HERPUD2: variants seen among roughly 807,000 people sequenced by gnomAD.
HERPUD2 encodes the protein homocysteine-responsive endoplasmic reticulum-resident ubiquitin-like domain member 2 protein.
Under a neutral mutation model 49.9 loss-of-function variants are expected in HERPUD2, and 13 were observed. The observed-to-expected ratio is 0.26, with a 90% confidence interval of 0.17 to 0.41. The LOEUF (loss-of-function observed/expected upper bound fraction) is 0.41. HERPUD2 is among the 10% of genes least tolerant of loss of function. The pLI is 1.00. For missense variants in HERPUD2, 449 were observed against 492.2 expected (o/e 0.91, Z 0.83); for synonymous variants, 172 against 171.4 (o/e 1.00, Z -0.03).
Position 35,633,522 on chromosome 7 carries a change from G to A in HERPUD2, c.*168C>T. Reference sequence around the variant, plus strand: ...AAAAAAAAAAAAACTCAGATATTTAGTAGTCCATTCGTGCTTAAAATATTC... The same window carrying A: ...AAAAAAAAAAAAACTCAGATATTTAATAGTCCATTCGTGCTTAAAATATTC... On this transcript the variant is annotated 3_prime_UTR_variant, in exon 9 of 9. Transcript: ENST00000311350. 9.8e-6 allele frequency: 4 copies of A among 410,124 alleles called. No individual in the cohort carries two copies. Among genetic ancestry groups the A allele is most frequent in the South Asian group, 4.7e-5 (1 of 21,484 alleles). 25.4% of individuals were successfully genotyped at this position (410,124 alleles called of 1,614,324 possible).
chr7:35,670,435 A>C (rs993853336), intron 3 of HERPUD2, 107 bp from the exon 4 acceptor site: 6 of 427,526 alleles, frequency 1.4e-5, no homozygotes, highest in African/African-American at 1.0e-4. Flanking sequence ...TTTCGAGCCT[A>C]GCCATTTAAT....
intron 5 of HERPUD2, among the ~76,000 whole-genome samples, chr7:35,648,310 G>A (rs1367153294): frequency 6.6e-6 from 1 of 152,122 alleles, no homozygotes; most frequent in Non-Finnish European, 1.5e-5. Flanking sequence ...AAATATTTAT[G>A]GTAAAAGATC....
At position 35,682,349 on chromosome 7, in the gene HERPUD2, GTGTGTGTGTA is replaced by G. The variant is rs1312460895; in HGVS notation, c.148-9081_148-9072del. On this transcript the variant is annotated intron_variant, in intron 2 of 8. Coordinates refer to ENST00000311350, the MANE Select transcript of HERPUD2 (RefSeq NM_022373.5). Reference sequence around the variant, plus strand: ...CACGTGTGTGTGTGTGTGTGTGTGTGTGTGTGTGTATATATATATATATATATATATATAT... The same window carrying G: ...CACGTGTGTGTGTGTGTGTGTGTGTGTATATATATATATATATATATATAT... 1.4e-3 allele frequency among the ~76,000 whole-genome samples: 58 copies of G among 41,802 alleles called. 9 individuals carry two copies. The highest frequency in any genetic ancestry group is 2.3e-3 in the Non-Finnish European group (49 of 21,140). 27.4% of individuals were successfully genotyped at this position (41,802 alleles called of 152,430 possible).
At chr7:35,656,833 C>A (rs111335118) in intron 5 of HERPUD2, among the ~76,000 whole-genome samples, 272 of 152,150 alleles carry the variant, frequency 1.8e-3, no homozygotes, top group Middle Eastern at 6.8e-3. Flanking sequence ...AAAACTGAAC[C>A]CCTTTCTCTC....
chr7:35,637,725 C>T (rs547565607), intron 6 of HERPUD2, among the ~76,000 whole-genome samples: 15 of 152,028 alleles, frequency 9.9e-5, no homozygotes, highest in African/African-American at 3.6e-4. Context: ...GTAACAAATA[C>T]GTGATGAACT....
intron 5 of HERPUD2, among the ~76,000 whole-genome samples, chr7:35,659,623 G>A (rs1785365460): frequency 6.6e-6 from 1 of 152,148 alleles, no homozygotes; most frequent in African/African-American, 2.4e-5. Context: ...GAAGAGACTT[G>A]CCCAAACTAG....
intron 5 of HERPUD2, among the ~76,000 whole-genome samples, chr7:35,648,043 A>T (rs1459223296): frequency 6.6e-6 from 1 of 152,248 alleles, no homozygotes; most frequent in Admixed American, 6.5e-5. Flanking sequence ...AAACAAGGAC[A>T]TTCCAACTTA....
chr7:35,662,410 CCT>C (rs1785444692), intron 5 of HERPUD2, among the ~76,000 whole-genome samples: 1 of 152,140 alleles, frequency 6.6e-6, no homozygotes, highest in Non-Finnish European at 1.5e-5. Flanking sequence ...GGGAGGATCC[CCT>C]CTTTTTCTAT....
intron 5 of HERPUD2, among the ~76,000 whole-genome samples, chr7:35,654,024 G>GA (rs1361009854): frequency 2.0e-5 from 3 of 151,972 alleles, no homozygotes; most frequent in Non-Finnish European, 4.4e-5. Context: ...CGAAACAAAT[G>GA]AAAGTCAAAA....
At chr7:35,638,983 A>C (rs1315123702) in intron 5 of HERPUD2, among the ~76,000 whole-genome samples, 2 of 152,198 alleles carry the variant, frequency 1.3e-5, no homozygotes, top group Non-Finnish European at 2.9e-5. Flanking sequence ...AGACAAGATT[A>C]GTAGAACATG....
intron 5 of HERPUD2, among the ~76,000 whole-genome samples, chr7:35,663,035 T>C (rs547283075): frequency 6.6e-6 from 1 of 152,324 alleles, no homozygotes; most frequent in African/African-American, 2.4e-5. Context: ...CTACACACTG[T>C]ATTAAATGTG....
chr7:35,635,644 A>AT (rs1784859973), intron 6 of HERPUD2, among the ~76,000 whole-genome samples, 186 bp from the exon 7 acceptor site: 1 of 152,196 alleles, frequency 6.6e-6, no homozygotes, highest in African/African-American at 2.4e-5. Context: ...TTGATGGTAG[A>AT]TGTCGCACAG....
intron 5 of HERPUD2, among the ~76,000 whole-genome samples, chr7:35,660,766 T>G (rs1262573691): frequency 6.6e-6 from 1 of 152,236 alleles, no homozygotes; most frequent in East Asian, 1.9e-4. Flanking sequence ...TCTTCATAGA[T>G]TCTGGATATT....
At chr7:35,692,395 C>T (rs1786213091) in intron 2 of HERPUD2, among the ~76,000 whole-genome samples, 1 of 152,108 alleles carries the variant, frequency 6.6e-6, no homozygotes, top group Admixed American at 6.5e-5. Flanking sequence ...AAGATCTCGC[C>T]TACGTACATA....
chr7:35,676,409 T>C (rs1158065085), intron 2 of HERPUD2, among the ~76,000 whole-genome samples: 2 of 152,186 alleles, frequency 1.3e-5, no homozygotes, highest in African/African-American at 2.4e-5. Flanking sequence ...TTTTGACCAG[T>C]AGGAGTCCCT....
chr7:35,685,170 G>C (rs2116033092), intron 2 of HERPUD2, among the ~76,000 whole-genome samples: 1 of 151,864 alleles, frequency 6.6e-6, no homozygotes, highest in Non-Finnish European at 1.5e-5. Flanking sequence ...TAGCCCAAGA[G>C]GCAGAGAGGT....
Position 35,659,766 on chromosome 7 carries a change from G to A in HERPUD2, c.494+7668C>T, listed in dbSNP as rs963702760. Among the ~76,000 whole-genome samples the A allele has an allele frequency of 3.9e-5, 6 of 152,172 alleles. No homozygotes were observed. In the East Asian group the frequency reaches 5.8e-4, roughly 15 times the overall value. On this transcript the variant is annotated intron_variant, in intron 5 of 8. Transcript: ENST00000311350. ...ATTCATCTAGTAATATATTCCCTAG[G>A]TGAAGCTCAAATATCTTTGTTGCTC...
chr7:35,694,144 T>G lies in HERPUD2; in HGVS notation c.147+40A>C, dbSNP rs778479046. ...AAGGAGGGTACACGGCACGAAAAGC[T>G]GCTGGTCAGAGCAGCTGCCCCCAGC... On this transcript the variant is annotated intron_variant, in intron 2 of 8. Transcript: ENST00000311350. 4 of 1,612,334 alleles carry G rather than the reference T, an allele frequency of 2.5e-6. No individual in the cohort carries two copies. The South Asian group carries it at 4.4e-5, about 18-fold the overall frequency.
At chr7:35,659,827 G>T (rs914289957) in intron 5 of HERPUD2, among the ~76,000 whole-genome samples, 1 of 151,770 alleles carries the variant, frequency 6.6e-6, no homozygotes, top group Non-Finnish European at 1.5e-5. Context: ...AAATATTTGA[G>T]ATTTTTCTTT....
Sources: gnomAD v4.1 joint callset for allele counts (sites outside exome capture counted in the v4.1 genomes callset) on GRCh38, gnomAD v4.1.1 for gene constraint, MANE v1.5 for transcripts, NCBI Gene and HGNC (gene_info 2026-07-23, HGNC 2026-07-21) for gene names.